PCDH9: variants seen among roughly 807,000 people sequenced by gnomAD.
PCDH9 encodes protocadherin 9, also known as protocadherin-9.
Under a neutral mutation model 70.6 loss-of-function variants are expected in PCDH9, and 24 were observed. That is an observed-to-expected ratio of 0.34 (90% CI 0.25 to 0.48). PCDH9 has a LOEUF of 0.48. Ranked by LOEUF, PCDH9 falls within the 20% of genes least tolerant of loss-of-function variation. The pLI, the probability that PCDH9 is intolerant of heterozygous loss-of-function variation, is 0.99. For missense variants in PCDH9, 1,281 were observed against 1,503.6 expected, an observed-to-expected ratio of 0.85 and a Z score of 2.45; for synonymous variants, 562 against 558.5, an observed-to-expected ratio of 1.01 and a Z score of -0.09.
chr13:66,900,935 G>GC (rs2082266735), intron 3 of PCDH9, among the ~76,000 whole-genome samples: 1 of 151,566 alleles, frequency 6.6e-6, no homozygotes, highest in Admixed American at 6.6e-5. Flanking sequence ...TAAATATAAT[G>GC]AAAAATAACA....
At chr13:67,164,133 A>G (rs2088040909) in intron 2 of PCDH9, among the ~76,000 whole-genome samples, 1 of 152,164 alleles carries the variant, frequency 6.6e-6, no homozygotes, top group Non-Finnish European at 1.5e-5. Context: ...ATGCATCTTC[A>G]AGTTTTCTGT....
At chr13:66,409,303 G>T (rs1185064461) in intron 4 of PCDH9, among the ~76,000 whole-genome samples, 2 of 152,116 alleles carry the variant, frequency 1.3e-5, no homozygotes, top group African/African-American at 4.8e-5. Context: ...ATTTAAACAT[G>T]ATTTCTGTAT....
At chr13:66,379,311 A>T (rs1446095173) in intron 4 of PCDH9, among the ~76,000 whole-genome samples, 1 of 152,210 alleles carries the variant, frequency 6.6e-6, no homozygotes, top group South Asian at 2.1e-4. Context: ...TTTCAATAGC[A>T]GTGTGACACT....
At chr13:66,628,866 G>C (rs996259193) in intron 4 of PCDH9, among the ~76,000 whole-genome samples, 3 of 152,010 alleles carry the variant, frequency 2.0e-5, no homozygotes. Context: ...AGTTGGCCCT[G>C]GCTAAAAGAC....
intron 2 of PCDH9, among the ~76,000 whole-genome samples, chr13:67,075,060 C>T (rs1325908152): frequency 2.0e-5 from 3 of 150,676 alleles, no homozygotes; most frequent in African/African-American, 7.3e-5. Flanking sequence ...CCCCTTAGTA[C>T]GTTAGTGTGA....
At chr13:66,577,678 C>T (rs185903257) in intron 4 of PCDH9, among the ~76,000 whole-genome samples, 50 of 152,086 alleles carry the variant, frequency 3.3e-4, no homozygotes, top group Admixed American at 7.9e-4. Flanking sequence ...GCCTGGCTTA[C>T]TGATAGGAGA....
At chr13:66,954,317 A>G (rs541369762) in intron 2 of PCDH9, among the ~76,000 whole-genome samples, 71 of 152,302 alleles carry the variant, frequency 4.7e-4, no homozygotes, top group African/African-American at 1.7e-3. Flanking sequence ...ATCCTGCAAG[A>G]TAAAAACTAT....
intron 3 of PCDH9, among the ~76,000 whole-genome samples, chr13:66,884,140 C>T (rs1243333373): frequency 6.6e-6 from 1 of 151,984 alleles, no homozygotes; most frequent in Non-Finnish European, 1.5e-5. Context: ...TCAAGTGATC[C>T]GCCTGCCTCT....
chr13:66,984,130 A>T (rs2139780491), intron 2 of PCDH9, among the ~76,000 whole-genome samples: 1 of 152,228 alleles, frequency 6.6e-6, no homozygotes, highest in African/African-American at 2.4e-5. Context: ...ATGAAAACAG[A>T]TGTAAATGAA....
In PCDH9 at chr13:66,712,277, T is replaced by C. The variant is rs570450601; in HGVS notation, c.3139-80866A>G. ...GATGTAATAGATTTGTCAGCTTACA[T>C]TGAATGAAAAAACGGTTATTATTTC... On this transcript the variant is annotated intron_variant, in intron 3 of 4. Coordinates refer to ENST00000377865, the MANE Select transcript of PCDH9 (RefSeq NM_203487.3). 1.4e-4 allele frequency among the ~76,000 whole-genome samples: 22 copies of C among 152,186 alleles called. No individual in the cohort carries two copies. The South Asian group carries it at 2.5e-3, about 17-fold the overall frequency.
chr13:66,892,531 T>C (rs2139570317), intron 3 of PCDH9, among the ~76,000 whole-genome samples: 1 of 152,064 alleles, frequency 6.6e-6, no homozygotes, highest in South Asian at 2.1e-4. Flanking sequence ...CTTTGCTACG[T>C]TGTAAAGTGT....
chr13:66,496,129 G>A (rs1362707049), intron 4 of PCDH9, among the ~76,000 whole-genome samples: 1 of 151,998 alleles, frequency 6.6e-6, no homozygotes, highest in East Asian at 1.9e-4. Flanking sequence ...CCCCGATTAG[G>A]GAAATTATTA....
Position 67,225,786 on chromosome 13 carries a change from A to G in PCDH9, c.2655T>C (p.Val885=). The G allele has an allele frequency of 6.2e-7, 1 of 1,614,144 alleles. No individual in the cohort carries two copies. The highest frequency in any genetic ancestry group is 1.1e-5 in the South Asian group (1 of 91,068). The part of the protein sequence containing the change: ...KSPKSSLLNF[V]TIEESKPDDA... ...CATCGGGTTTGGACTCTTCGATAGTAACAAAGTTCAAAAGAGAGCTTTTGG... is the reference window on the plus strand; with the variant it reads ...CATCGGGTTTGGACTCTTCGATAGTGACAAAGTTCAAAAGAGAGCTTTTGG... Residue 885 remains valine (V), a synonymous_variant, in exon 2 of 5, where the codon GTT becomes GTC. Coordinates refer to ENST00000377865, the MANE Select transcript of PCDH9 (RefSeq NM_203487.3).
intron 2 of PCDH9, among the ~76,000 whole-genome samples, chr13:67,105,869 C>T (rs1425857264): frequency 1.7e-4 from 25 of 151,092 alleles, no homozygotes; most frequent in African/African-American, 9.7e-5. Flanking sequence ...CTCAAGAATA[C>T]ATATATGTTT....
intron 3 of PCDH9, among the ~76,000 whole-genome samples, chr13:66,640,018 C>A (rs1055028961): frequency 3.3e-5 from 5 of 152,172 alleles, no homozygotes; most frequent in Admixed American, 1.3e-4. Context: ...AGAGTCCTTT[C>A]CAATTTAGTT....
intron 2 of PCDH9, among the ~76,000 whole-genome samples, chr13:67,002,732 C>T (rs781478396): frequency 6.6e-6 from 1 of 151,740 alleles, no homozygotes; most frequent in Non-Finnish European, 1.5e-5. Context: ...TCTTTTTTTC[C>T]TGTAAATTTG....
rs554025002 is a variant in PCDH9, at chr13:66,945,961, A to G, written c.3037-42356T>C. Among the ~76,000 whole-genome samples, 3 of 152,266 alleles carry G rather than the reference A, an allele frequency of 2.0e-5. No individual in the cohort carries two copies. The South Asian group carries it at 6.2e-4, about 32-fold the overall frequency. On this transcript the variant is annotated intron_variant, in intron 2 of 4. Coordinates refer to ENST00000377865, the MANE Select transcript of PCDH9 (RefSeq NM_203487.3). ...GGTACCAATTTACATTTCTACTGAT[A>G]ATATATATAAAAACCTCTAAAGTTT... is the stretch of plus-strand genomic sequence containing the variant.
chr13:67,044,990 AAGACAGAAATGG>A (rs1489380201), intron 2 of PCDH9, among the ~76,000 whole-genome samples: 1 of 152,212 alleles, frequency 6.6e-6, no homozygotes, highest in African/African-American at 2.4e-5. Flanking sequence ...ACAAACATAG[AAGACAGAAATGG>A]AGCAAAGAAA....
At chr13:66,989,411 T>C (rs2083957278) in intron 2 of PCDH9, among the ~76,000 whole-genome samples, 1 of 151,912 alleles carries the variant, frequency 6.6e-6, no homozygotes, top group Non-Finnish European at 1.5e-5. Context: ...TGTACTAAAA[T>C]TTAATTTCAT....
Sources: gnomAD v4.1 joint callset for allele counts (sites outside exome capture counted in the v4.1 genomes callset) on GRCh38, gnomAD v4.1.1 for gene constraint, MANE v1.5 for transcripts, NCBI Gene and HGNC (gene_info 2026-07-23, HGNC 2026-07-21) for gene names.